Variants in LIG1 observed in about 807,000 individuals in gnomAD.
LIG1 encodes the protein DNA ligase 1, also known as ligase I, DNA, ATP-dependent.
Under a neutral mutation model 115.7 loss-of-function variants are expected in LIG1, and 70 were observed. The ratio of observed to expected loss-of-function variants is 0.60; its 90% CI spans 0.50 to 0.74. The LOEUF (loss-of-function observed/expected upper bound fraction) is 0.74. LIG1 is among the 30% of genes least tolerant of loss of function. The probability of loss-of-function intolerance (pLI) is 0.00; values close to 1 mark genes in which losing one functional copy is unlikely to be tolerated. For synonymous variants in LIG1, 487 were observed against 495.3 expected (o/e 0.98, Z 0.22); for missense variants, 1,115 against 1,225.6 (o/e 0.91, Z 1.35).
intron 2 of LIG1, among the ~76,000 whole-genome samples, chr19:48,164,196 T>C (rs1265516624): frequency 6.6e-6 from 1 of 152,100 alleles, no homozygotes; most frequent in Middle Eastern, 3.4e-3. Flanking sequence ...GTTTATTTAA[T>C]CTTCAAAAAG....
At chr19:48,142,282 AC>A (rs2034811956) in intron 11 of LIG1, among the ~76,000 whole-genome samples, 1 of 151,882 alleles carries the variant, frequency 6.6e-6, no homozygotes, top group African/African-American at 2.4e-5. Context: ...CTAAAAACAC[AC>A]ACACAAAAAA....
intron 26 of LIG1, among the ~76,000 whole-genome samples, chr19:48,116,371 G>A (rs530422611): frequency 9.2e-5 from 14 of 151,684 alleles, no homozygotes; most frequent in East Asian, 1.9e-4. Flanking sequence ...GCGTGAATCC[G>A]GGAGGTGGGG....
chr19:48,162,485 G>A lies in LIG1; in HGVS notation c.18-134C>T, dbSNP rs1051012876. The A allele has an allele frequency of 9.6e-6, 6 of 627,938 alleles. No individual in the cohort carries two copies. In the African/African-American group the frequency reaches 1.1e-4, roughly 12 times the overall value. 38.9% of individuals were successfully genotyped at this position (627,938 alleles called of 1,614,324 possible). The stretch of plus-strand genomic sequence containing the variant: ...GTCTCGCTCTGTAGCCCAGGCTGGA[G>A]TGCAATGGCGCAATCTCAGCTCACT... On this transcript the variant is annotated intron_variant, in intron 2 of 27. Transcript: ENST00000263274.
At chr19:48,126,323 AGGCC>A (rs2033665479) in intron 21 of LIG1, among the ~76,000 whole-genome samples, 1 of 150,972 alleles carries the variant, frequency 6.6e-6, no homozygotes, top group African/African-American at 2.4e-5. Context: ...AAATTATTCA[AGGCC>A]AGGCGTGGTG....
At chr19:48,154,275 G>T in intron 5 of LIG1, 1 of 378,060 alleles carries the variant, frequency 2.6e-6, no homozygotes. Context: ...CAGGTCCCCT[G>T]AGCTCCCCAC....
In LIG1 at chr19:48,137,900, G is replaced by A. The variant is rs148212080; in HGVS notation, c.1088-212C>T. The A allele has an allele frequency of 4.3e-5, 27 of 628,672 alleles. No individual in the cohort carries two copies. Among genetic ancestry groups the A allele is most frequent in the Middle Eastern group, 5.1e-4 (2 of 3,960 alleles). 38.9% of individuals were successfully genotyped at this position (628,672 alleles called of 1,614,324 possible). On this transcript the variant is annotated intron_variant, in intron 12 of 27. Coordinates refer to ENST00000263274, the MANE Select transcript of LIG1 (RefSeq NM_000234.3). This position sits in a 1 kb window ranked among gnomAD's most constrained non-coding sequence, Gnocchi z 4.3. ...CTGTAGGAAGTCAGCAAACATGCAC[G>A]TGGAGCCAGGAAAGCGGTGGATGAA...
intron 4 of LIG1, among the ~76,000 whole-genome samples, chr19:48,160,061 A>G (rs1240677092): frequency 6.6e-6 from 1 of 152,186 alleles, no homozygotes; most frequent in African/African-American, 2.4e-5. Flanking sequence ...GCAGCTGGAA[A>G]AGGCAATTCC....
chr19:48,134,612 T>C (rs1379277676), intron 16 of LIG1, among the ~76,000 whole-genome samples: 1 of 152,242 alleles, frequency 6.6e-6, no homozygotes, highest in African/African-American at 2.4e-5. Flanking sequence ...GAGCTGAGAT[T>C]GTGCTGCTGC....
intron 16 of LIG1, among the ~76,000 whole-genome samples, chr19:48,134,742 G>A (rs1654080663): frequency 6.6e-6 from 1 of 152,258 alleles, no homozygotes; most frequent in Non-Finnish European, 1.5e-5. Context: ...GTAGGCCTGA[G>A]GTCAGCAGCT....
intron 1 of LIG1, among the ~76,000 whole-genome samples, chr19:48,169,070 G>A (rs1174885859): frequency 1.3e-5 from 2 of 152,106 alleles, no homozygotes; most frequent in Non-Finnish European, 2.9e-5. Context: ...CAACAACTTG[G>A]GTGGACCTCC....
intron 5 of LIG1, chr19:48,154,315 G>C: frequency 2.9e-6 from 1 of 348,510 alleles, no homozygotes; most frequent in East Asian, 7.2e-5. Flanking sequence ...CTGCCTCCAA[G>C]TGTTCCAGAC....
chr19:48,135,736 T>C lies in LIG1; in HGVS notation c.1467A>G (p.Ala489=), dbSNP rs978074649. ...CCTCCAGCCACGTCTTTCTGGCCTC[T>C]GCTGTCTTGCCCTTCCCAGCATCCA... ...AMVDAGKGKT[A]EARKTWLEEQ... is the part of the protein sequence containing the mutation. The change falls in exon 16 of 28, where the codon GCA becomes GCG. Residue 489 remains alanine (A), a synonymous_variant. Coordinates refer to ENST00000263274, the MANE Select transcript of LIG1 (RefSeq NM_000234.3). 2 of 1,614,094 alleles carry C rather than the reference T, an allele frequency of 1.2e-6. No individual in the cohort carries two copies. The highest frequency in any genetic ancestry group is 1.7e-6 in the Non-Finnish European group (2 of 1,180,030).
chr19:48,142,777 G>A (rs751020564), intron 11 of LIG1, among the ~76,000 whole-genome samples: 13 of 152,078 alleles, frequency 8.5e-5, no homozygotes, highest in Non-Finnish European at 1.5e-4. Flanking sequence ...CTGAGTAGCC[G>A]GGATTACAGG....
rs768423303 is a variant in LIG1 at position 48,123,126 on chromosome 19, G to A, written c.2149+48C>T. 67 of 1,613,550 alleles carry A rather than the reference G, an allele frequency of 4.2e-5. No homozygotes were observed. In the South Asian group the frequency reaches 7.4e-4, roughly 18 times the overall value. ...GACTGGGGACAGGCTGGGAGGCCGG[G>A]GTCAGCGCAAGCTGCAGACCTCAGG... On this transcript the variant is annotated intron_variant, in intron 22 of 27. Transcript: ENST00000263274.
rs181288517 is a variant in LIG1, at chr19:48,119,095, G to A, written c.2439+42C>T. The A allele has an allele frequency of 6.7e-5, 101 of 1,499,554 alleles. No homozygotes were observed. The East Asian group carries it at 2.5e-3, about 37-fold the overall frequency. 92.9% of individuals were successfully genotyped at this position (1,499,554 alleles called of 1,614,324 possible). Reference sequence around the variant, plus strand: ...GAAGGACTGTGCTGTCAGGGGCAGGGGGGAGAGGGGTGGAGGCTGAGGCGC... The same window carrying A: ...GAAGGACTGTGCTGTCAGGGGCAGGAGGGAGAGGGGTGGAGGCTGAGGCGC... On this transcript the variant is annotated intron_variant, in intron 25 of 27. Transcript: ENST00000263274.
chr19:48,116,766 C>T (rs1482834472), intron 26 of LIG1, among the ~76,000 whole-genome samples: 5 of 152,214 alleles, frequency 3.3e-5, no homozygotes, highest in African/African-American at 1.2e-4. Flanking sequence ...GGATACACAC[C>T]GGCTCCTGTG....
At chr19:48,150,006 A>G in intron 8 of LIG1, 82 bp downstream of exon 8, 1 of 1,605,588 alleles carries the variant, frequency 6.2e-7, no homozygotes, top group South Asian at 1.1e-5. Flanking sequence ...GGGTCTTCGC[A>G]GCATCTCAGG....
intron 3 of LIG1, 106 bp from the exon 4 acceptor site, chr19:48,161,613 C>T: frequency 7.5e-7 from 1 of 1,330,996 alleles, no homozygotes; most frequent in Non-Finnish European, 1.1e-6. Context: ...CCCTTCCTTT[C>T]AAGCATCCAA....
At position 48,135,902 on chromosome 19, in the gene LIG1, C is replaced by A. The variant is rs1036634544; in HGVS notation, c.1424-123G>T. 10 of 936,438 alleles carry A rather than the reference C, an allele frequency of 1.1e-5. No individual in the cohort carries two copies. The Admixed American group carries it at 1.6e-4, about 15-fold the overall frequency. 58.0% of individuals were successfully genotyped at this position (936,438 alleles called of 1,614,324 possible). On this transcript the variant is annotated intron_variant, in intron 15 of 27. Transcript: ENST00000263274. ...CCGCGGCCCAAGACGCCCCCTCCCC[C>A]CCACCCAGGAGAGAGGAGCCTGGTA...
Sources: gnomAD v4.1 joint callset for allele counts (sites outside exome capture counted in the v4.1 genomes callset) on GRCh38, gnomAD v4.1.1 for gene constraint, Gnocchi (gnomAD v3.1) non-coding constraint, MANE v1.5 for transcripts, NCBI Gene and HGNC (gene_info 2026-07-23, HGNC 2026-07-21) for gene names.